ACE: variants seen among roughly 807,000 people sequenced by gnomAD.
ACE encodes angiotensin I converting enzyme.
A neutral mutation model predicts 162.3 loss-of-function variants in ACE; 122 were observed. The ratio of observed to expected loss-of-function variants is 0.75; its 90% CI spans 0.65 to 0.87. ACE has a LOEUF of 0.87. ACE is among the 40% of genes least tolerant of loss of function. The pLI, the probability that ACE is intolerant of heterozygous loss-of-function variation, is 0.00. For synonymous variants in ACE, 796 were observed against 720.6 expected, an observed-to-expected ratio of 1.10 and a Z score of -1.68; for missense variants, 1,799 against 1,735.1, an observed-to-expected ratio of 1.04 and a Z score of -0.65.
At position 63,491,468 on chromosome 17, in the gene ACE, G is replaced by C. The variant is rs2030381825; in HGVS notation, c.2912+87G>C. 17 of 1,558,138 alleles carry C rather than the reference G, an allele frequency of 1.1e-5. No individual in the cohort carries two copies. Among genetic ancestry groups the C allele is most frequent in the Non-Finnish European group, 1.5e-5 (17 of 1,136,522 alleles). ...GCAAAGGGTCCACTACTGTCCCCCA[G>C]CTGGAGCCAGCAGGGCAGGATGGGG... On this transcript the variant is annotated intron_variant, in intron 19 of 24. Coordinates refer to ENST00000290866, the MANE Select transcript of ACE (RefSeq NM_000789.4). This position sits in a 1 kb window ranked among gnomAD's most constrained non-coding sequence, Gnocchi z 4.4.
Position 63,483,483 on chromosome 17 carries a change from C to T in ACE, c.1511C>T (p.Pro504Leu), listed in dbSNP as rs557514021. Residue 504 changes from proline (P) to leucine (L), a missense_variant, in exon 10 of 25, where the codon CCT becomes CTT. By Grantham distance (98) the Pro-to-Leu change is moderately conservative (BLOSUM62 -3). Transcript: ENST00000290866. ...YLRTKYQGIC[P>L]PVTRNETHFD... ...AGAACCAAGTATCAGGGGATCTGTC[C>T]TCCTGTTACCCGAAACGAAACCCAC... 4 of 1,614,016 alleles carry T rather than the reference C, an allele frequency of 2.5e-6. No individual in the cohort carries two copies. The South Asian group carries it at 4.4e-5, about 18-fold the overall frequency.
Position 63,484,481 on chromosome 17 carries a change from C to G in ACE, c.1861C>G (p.Leu621Val). The change falls in exon 12 of 25, where the codon CTG becomes GTG. Residue 621 changes from leucine (L) to valine (V), a missense_variant. Transcript: ENST00000290866. The surrounding 1 kb of genome is among the most constrained non-coding windows in gnomAD (Gnocchi z 4.0). ...QEQNQQNGEV[L>V]GWPEYQWHPP... ...GCAGAACCAGCAGAACGGCGAGGTC[C>G]TGGGCTGGCCCGAGTACCAGTGGCA... 1 of 1,610,756 alleles carries G rather than the reference C, an allele frequency of 6.2e-7. No homozygotes were observed. Among genetic ancestry groups the G allele is most frequent in the Admixed American group, 1.7e-5 (1 of 59,830 alleles).
intron 19 of ACE, among the ~76,000 whole-genome samples, chr17:63,492,327 G>T (rs1043587012): frequency 2.0e-5 from 3 of 152,234 alleles, no homozygotes; most frequent in Non-Finnish European, 4.4e-5. Flanking sequence ...AGTTCACCCA[G>T]ATTCAAGAGA....
chr17:63,490,232 A>G (rs1031125091), intron 17 of ACE: 1 of 153,008 alleles, frequency 6.5e-6, no homozygotes. Context: ...CTTGAGTCCA[A>G]ATCTGTTTCT....
rs761659396 is a variant in ACE, at chr17:63,482,686, A to G, written c.1339A>G (p.Thr447Ala). Residue 447 changes from threonine to alanine, a missense_variant, in exon 8 of 25, where the codon ACG becomes GCG. Coordinates refer to ENST00000290866, the MANE Select transcript of ACE (RefSeq NM_000789.4). ...IGLLDRVTND[T>A]ESDINYLLKM... Reference sequence around the variant, plus strand: ...CCTGCTGGACCGTGTCACCAATGACACGGGTATGGGAGGGCTGAGAGGCCC... The same window carrying G: ...CCTGCTGGACCGTGTCACCAATGACGCGGGTATGGGAGGGCTGAGAGGCCC... 3.1e-6 allele frequency: 5 copies of G among 1,613,598 alleles called. No individual in the cohort carries two copies. In the East Asian group the frequency reaches 1.1e-4, roughly 36 times the overall value.
intron 17 of ACE, chr17:63,490,738 C>A (rs2030314112): frequency 3.4e-6 from 2 of 588,012 alleles, no homozygotes; most frequent in East Asian, 3.0e-5. Flanking sequence ...TGATAACCAG[C>A]AAGGCCCCCA....
chr17:63,478,502 CAAA>C, intron 2 of ACE: 1 of 268,944 alleles, frequency 3.7e-6, no homozygotes, highest in South Asian at 3.9e-5. Context: ...CTCGTCTCTA[CAAA>C]AAAAAAATAG....
In ACE at chr17:63,497,486, C is replaced by A; in HGVS notation, c.*120C>A. 1 of 916,160 alleles carries A rather than the reference C, an allele frequency of 1.1e-6. No individual in the cohort carries two copies. The highest frequency in any genetic ancestry group is 1.7e-6 in the Non-Finnish European group (1 of 581,280). The allele number at this position is 916,160 out of a possible 1,614,324, so 56.8% of individuals were successfully genotyped here. ...GCCCACCCTGCTCCTCCTGCCCTGT[C>A]CCTGTCCCCCTCCCCTCCCAGTCCT... On this transcript the variant is annotated 3_prime_UTR_variant, in exon 25 of 25. Coordinates refer to ENST00000290866, the MANE Select transcript of ACE (RefSeq NM_000789.4).
intron 17 of ACE, chr17:63,490,098 C>T (rs1406237392): frequency 6.6e-6 from 1 of 152,600 alleles, no homozygotes; most frequent in East Asian, 1.9e-4. Flanking sequence ...CTCTCCCTGG[C>T]TCTCTCCCTC....
intron 1 of ACE, 127 bp downstream of exon 1, chr17:63,477,470 C>T (rs1461342879): frequency 1.3e-6 from 1 of 760,554 alleles, no homozygotes; most frequent in Non-Finnish European, 1.7e-6. Flanking sequence ...GGACCCTCGC[C>T]CCGACAGTCA....
intron 13 of ACE, 73 bp downstream of exon 13, chr17:63,485,445 A>G: frequency 1.9e-6 from 3 of 1,589,510 alleles, no homozygotes; most frequent in South Asian, 1.1e-5. Flanking sequence ...CTCACCACAC[A>G]GTGGGGCTGC....
At position 63,484,996 on chromosome 17, in the gene ACE, C is replaced by T; in HGVS notation, c.1922-240C>T. On this transcript the variant is annotated intron_variant, in intron 12 of 24. Coordinates refer to ENST00000290866, the MANE Select transcript of ACE (RefSeq NM_000789.4). The surrounding 1 kb of genome is among the most constrained non-coding windows in gnomAD (Gnocchi z 4.0). ...TGACAGTCACCCATGGGACAAGCAG[C>T]CAGGCAACAACCAGCAGCCAGACAA... The T allele has an allele frequency of 6.2e-7, 1 of 1,610,180 alleles. No individual in the cohort carries two copies. The highest frequency in any genetic ancestry group is 8.5e-7 in the Non-Finnish European group (1 of 1,178,390).
At position 63,484,610 on chromosome 17, in the gene ACE, A is replaced by G; in HGVS notation, c.1921+69A>G. ...CAACTCTGGGCTTGGCCCAGGCCCC[A>G]GGTTCCTGGTCAGCTCCTACCAGCT... On this transcript the variant is annotated intron_variant, in intron 12 of 24. Coordinates refer to ENST00000290866, the MANE Select transcript of ACE (RefSeq NM_000789.4). The surrounding 1 kb of genome is among the most constrained non-coding windows in gnomAD (Gnocchi z 4.0). The G allele has an allele frequency of 1.3e-6, 2 of 1,528,432 alleles. No homozygotes were observed. Among genetic ancestry groups the G allele is most frequent in the South Asian group, 1.2e-5 (1 of 81,356 alleles). The allele number at this position is 1,528,432 out of a possible 1,614,324, so 94.7% of individuals were successfully genotyped here. A position where few individuals can be genotyped will look rare whatever the true frequency, so the allele number is the denominator to read the frequency against.
chr17:63,492,983 C>T (rs561480175), intron 19 of ACE, among the ~76,000 whole-genome samples: 3 of 152,196 alleles, frequency 2.0e-5, no homozygotes, highest in Non-Finnish European at 2.9e-5. Flanking sequence ...ATAAGTTTGT[C>T]GCTGTTGGGC....
In ACE at chr17:63,488,985, C is replaced by T; in HGVS notation, c.2494C>T (p.Pro832Ser). 6.2e-7 allele frequency: 1 copy of T among 1,614,192 alleles called. No homozygotes were observed. The highest frequency in any genetic ancestry group is 8.5e-7 in the Non-Finnish European group (1 of 1,180,040). The change falls in exon 17 of 25, where the codon CCA becomes TCA. Residue 832 changes from proline to serine, a missense_variant. Pro to Ser is a moderately conservative substitution (Grantham distance 74). Transcript: ENST00000290866. Reference sequence around the variant, plus strand: ...CTCGTGGAGGTCTATGTACGAGACACCATCCCTGGAGCAAGACCTGGAGCG... The same window carrying T: ...CTCGTGGAGGTCTATGTACGAGACATCATCCCTGGAGCAAGACCTGGAGCG... ...GDSWRSMYET[P>S]SLEQDLERLF... is the part of the protein sequence containing the mutation.
chr17:63,479,697 A>T, intron 3 of ACE, 72 bp from the exon 4 acceptor site: 1 of 1,592,258 alleles, frequency 6.3e-7, no homozygotes. Flanking sequence ...GGACTGGTGC[A>T]GGCTCTGGTG....
chr17:63,478,329 T>A, intron 2 of ACE: 1 of 590,224 alleles, frequency 1.7e-6, no homozygotes, highest in Non-Finnish European at 3.0e-6. Context: ...GAAGCCAAAT[T>A]CAAATACACT....
chr17:63,486,491 G>A, intron 13 of ACE, 66 bp from the exon 14 acceptor site: 1 of 1,587,998 alleles, frequency 6.3e-7, no homozygotes, highest in Non-Finnish European at 8.6e-7. Flanking sequence ...TCCCACTTGG[G>A]GCCTCCCGCT....
At chr17:63,496,053 C>T in intron 22 of ACE, 1 of 382,472 alleles carries the variant, frequency 2.6e-6, no homozygotes, top group South Asian at 2.3e-5. Flanking sequence ...CCTCTACTTG[C>T]ATATACCCCA....
Sources: allele counts gnomAD v4.1 joint callset (sites outside exome capture counted in the v4.1 genomes callset), GRCh38; gene constraint gnomAD v4.1.1; non-coding constraint Gnocchi (gnomAD v3.1); transcripts MANE v1.5; gene names NCBI Gene and HGNC (gene_info 2026-07-23, HGNC 2026-07-21).